ABCG5: variants seen among roughly 807,000 people sequenced by gnomAD.
ABCG5 encodes ATP binding cassette subfamily G member 5, also known as ATP-binding cassette sub-family G member 5.
In ABCG5, 64 loss-of-function variants were observed where a neutral mutation model predicts 64.5. The ratio of observed to expected loss-of-function variants is 0.99; its 90% confidence interval spans 0.81 to 1.22. The LOEUF (loss-of-function observed/expected upper bound fraction) is 1.22, where lower values mean the gene tolerates loss of function less well. ABCG5 is among the 50% of genes most tolerant of loss of function. ABCG5 has a pLI of 0.00. For missense variants in ABCG5, 908 were observed against 829.5 expected, an observed-to-expected ratio of 1.09 and a Z score of -1.16; for synonymous variants, 385 against 326.3, an observed-to-expected ratio of 1.18 and a Z score of -1.94.
intron 10 of ABCG5, chr2:43,822,478 G>T (rs7423086): frequency 1.3e-5 from 6 of 464,544 alleles, no homozygotes; most frequent in East Asian, 1.8e-4. Flanking sequence ...CCTCCCCCAG[G>T]CCCCCCCCCA....
intron 4 of ABCG5, chr2:43,828,510 A>AATTAGTC (rs1667773218): frequency 2.7e-6 from 1 of 366,444 alleles, no homozygotes; most frequent in Non-Finnish European, 5.1e-6. Context: ...AAAAAACAAT[A>AATTAGTC]AATTAGCCGG....
downstream of ABCG5, among the ~76,000 whole-genome samples, chr2:43,809,164 T>C (rs1014189915): frequency 1.8e-4 from 28 of 152,070 alleles, no homozygotes; most frequent in African/African-American, 6.5e-4. Context: ...ATTATTTTTC[T>C]CAGTTTTTGT....
intron 2 of ABCG5, among the ~76,000 whole-genome samples, chr2:43,836,176 A>G (rs13425260): frequency 0.44 from 67,441 of 151,722 alleles, 16,004 homozygotes; most frequent in East Asian, 0.84. Flanking sequence ...CCTGACCTCA[A>G]GTGATCCGCC....
At chr2:43,820,820 A>AT (rs1438155189) in intron 10 of ABCG5, among the ~76,000 whole-genome samples, 6 of 152,030 alleles carry the variant, frequency 3.9e-5, no homozygotes, top group Non-Finnish European at 5.9e-5. Context: ...CACCCAGCTA[A>AT]TTTTTTTGTA....
rs369839996 is a variant in ABCG5, at chr2:43,818,930, GA to G, written c.1649+984del. 3.0e-4 allele frequency among the ~76,000 whole-genome samples: 45 copies of G among 152,256 alleles called. No individual in the cohort carries two copies. In the East Asian group the frequency reaches 8.3e-3, roughly 28 times the overall value. On this transcript the variant is annotated intron_variant, in intron 11 of 12. Coordinates refer to ENST00000405322, the MANE Select transcript of ABCG5 (RefSeq NM_022436.3). ...ATAGAAAAGAGACTGGCAAGTGGTA[GA>G]GGAAGTTTCTGACTCATAGGTCAGC... is the stretch of plus-strand genomic sequence containing the variant.
chr2:43,808,887 C>T (rs79409597), downstream of ABCG5, among the ~76,000 whole-genome samples: 1,007 of 151,812 alleles, frequency 6.6e-3, 12 homozygotes, highest in African/African-American at 0.023. Context: ...AATGGGTTTC[C>T]TTCTTTTACA....
At chr2:43,807,270 G>C in the ABCG5 span, among the ~76,000 whole-genome samples, 2 of 152,004 alleles carry the variant, frequency 1.3e-5, no homozygotes, top group Non-Finnish European at 2.9e-5. Flanking sequence ...TTCGTGATTA[G>C]CCCTCTTTAA....
At chr2:43,817,036 T>C (rs2104766915) in intron 11 of ABCG5, among the ~76,000 whole-genome samples, 1 of 152,088 alleles carries the variant, frequency 6.6e-6, no homozygotes, top group East Asian at 1.9e-4. Context: ...GGGAGAAAAA[T>C]GGGTAAATGG....
Position 43,824,792 on chromosome 2 carries a change from A to C in ABCG5, c.904+97T>G, listed in dbSNP as rs562382756. On this transcript the variant is annotated intron_variant, in intron 7 of 12. Coordinates refer to ENST00000405322, the MANE Select transcript of ABCG5 (RefSeq NM_022436.3). The stretch of plus-strand genomic sequence containing the variant: ...AGTATAAAACACAAAAACAAAAGCA[A>C]AAATCAAATCCACTAGACTGGTGTC... The C allele has an allele frequency of 1.9e-5, 29 of 1,565,986 alleles. No homozygotes were observed. The African/African-American group carries it at 3.6e-4, about 19-fold the overall frequency.
chr2:43,830,054 T>C (rs1330704736), intron 4 of ABCG5, among the ~76,000 whole-genome samples: 1 of 152,242 alleles, frequency 6.6e-6, no homozygotes, highest in Non-Finnish European at 1.5e-5. Context: ...GAGATTTCTG[T>C]GCTGACCAGC....
At chr2:43,807,575 G>A (rs959961055), downstream of ABCG5, among the ~76,000 whole-genome samples, 16 of 151,844 alleles carry the variant, frequency 1.1e-4, no homozygotes, top group Non-Finnish European at 5.9e-5. Context: ...AAGTAGCTGG[G>A]ACTACAGGCA....
chr2:43,832,280 G>C (rs528920674), intron 2 of ABCG5, 197 bp from the exon 3 acceptor site: 3 of 684,028 alleles, frequency 4.4e-6, no homozygotes, highest in East Asian at 2.7e-5. Flanking sequence ...AGTCTCACGC[G>C]CAAGTGAGTC....
At chr2:43,826,166 C>CTTA (rs1667587580) in intron 6 of ABCG5, among the ~76,000 whole-genome samples, 1 of 141,970 alleles carries the variant, frequency 7.0e-6, no homozygotes, top group Non-Finnish European at 1.5e-5. Flanking sequence ...TTCTTTCTTT[C>CTTA]TTTTTTTTTT....
chr2:43,833,031 AC>A (rs1668045715), intron 2 of ABCG5, among the ~76,000 whole-genome samples: 1 of 151,674 alleles, frequency 6.6e-6, no homozygotes, highest in Non-Finnish European at 1.5e-5. Flanking sequence ...GCTGGTCTCG[AC>A]CTCCTGACCT....
chr2:43,822,912 C>T lies in ABCG5; in HGVS notation c.1348G>A (p.Asp450Asn), dbSNP rs530616214. Residue 450 changes from aspartate (D) to asparagine (N), a missense_variant, in exon 10 of 13, where the codon GAC (aspartate) becomes AAC (asparagine). By Grantham distance (23) the Asp-to-Asn change is conservative. Coordinates refer to ENST00000405322, the MANE Select transcript of ABCG5 (RefSeq NM_022436.3). ...NLFPVLRAVSDQESQDGLYQK... is the reference protein window; with the variant it reads ...NLFPVLRAVSNQESQDGLYQK... ...TAGAGGCCGTCCTGACTCTCCTGGT[C>T]GCTGACAGCTCGCAGCACGGGAACT... is the stretch of plus-strand genomic sequence containing the variant. 2.9e-5 allele frequency: 47 copies of T among 1,614,066 alleles called. 2 individuals are homozygous for T. In the South Asian group the frequency reaches 3.7e-4, roughly 13 times the overall value.
intron 11 of ABCG5, among the ~76,000 whole-genome samples, chr2:43,818,781 G>C (rs1289122794): frequency 6.6e-6 from 1 of 152,082 alleles, no homozygotes; most frequent in Admixed American, 6.5e-5. Flanking sequence ...ATCTCACTTC[G>C]TATAACTCAC....
upstream of ABCG5, chr2:43,839,043 C>T (rs1668460125): frequency 6.4e-7 from 1 of 1,550,774 alleles, no homozygotes; most frequent in Non-Finnish European, 8.7e-7. Context: ...GGTCACAGAC[C>T]TGTGGGCCCC....
intron 12 of ABCG5, 34 bp from the exon 13 acceptor site, chr2:43,813,343 G>T: frequency 6.1e-6 from 9 of 1,468,718 alleles, no homozygotes; most frequent in Non-Finnish European, 8.6e-6. Context: ...GTCAGGTGTG[G>T]TTTATCTCAG....
chr2:43,810,268 A>T, downstream of ABCG5: 1 of 749,222 alleles, frequency 1.3e-6, no homozygotes, highest in Non-Finnish European at 1.6e-6. Context: ...CCAGGTCCCC[A>T]CACCTAGAGT....
Sources: gnomAD v4.1 joint callset for allele counts (sites outside exome capture counted in the v4.1 genomes callset) on GRCh38, gnomAD v4.1.1 for gene constraint, MANE v1.5 for transcripts, NCBI Gene and HGNC (gene_info 2026-07-23, HGNC 2026-07-21) for gene names.